Variants in PTN observed in about 807,000 individuals in gnomAD.
PTN encodes the protein heparin affin regulatory protein.
Under a neutral mutation model 24.1 loss-of-function variants are expected in PTN, and 18 were observed. That is an observed-to-expected ratio of 0.75 (90% CI 0.52 to 1.11). PTN has a LOEUF of 1.11. PTN is among the 50% of genes least tolerant of loss of function. The pLI is 0.00. For synonymous variants in PTN, 78 were observed against 68.6 expected (o/e 1.14, Z -0.67); for missense variants, 163 against 198.8 (o/e 0.82, Z 1.08).
Position 137,254,970 on chromosome 7 carries a change from G to A in PTN, c.4C>T (p.Gln2Ter). Residue 2 changes from glutamine to a stop codon, truncating the protein, a stop_gained, in exon 2 of 5, where the codon CAG becomes TAG. Coordinates refer to ENST00000348225, the MANE Select transcript of PTN (RefSeq NM_002825.7). LOFTEE classifies it high-confidence loss of function. M[Q>*]AQQYQQQRRK... ...CGCTGCTGCTGGTACTGTTGAGCCT[G>A]CATTCTAGGAATAAACAGAGAAAGA... 6.5e-7 allele frequency: 1 copy of A among 1,535,070 alleles called. No individual in the cohort carries two copies.
chr7:137,270,160 C>T (rs1809250915), intron 1 of PTN, among the ~76,000 whole-genome samples: 1 of 152,178 alleles, frequency 6.6e-6, no homozygotes, highest in Non-Finnish European at 1.5e-5. Flanking sequence ...AGATAAATAG[C>T]CAATTATAAT....
rs780004155 is a variant in PTN, at chr7:137,228,075, G to A, written c.452C>T (p.Ala151Val). 6 of 1,526,902 alleles carry A rather than the reference G, an allele frequency of 3.9e-6. No homozygotes were observed. The highest frequency in any genetic ancestry group is 5.4e-6 in the Non-Finnish European group (6 of 1,105,094). The allele number at this position is 1,526,902 out of a possible 1,614,324, so 94.6% of individuals were successfully genotyped here. The change falls in exon 5 of 5, where the codon GCA becomes GTA. Residue 151 changes from alanine to valine, a missense_variant and splice_region_variant. By Grantham distance (64) the Ala-to-Val change is moderately conservative. Coordinates refer to ENST00000348225, the MANE Select transcript of PTN (RefSeq NM_002825.7). ...CGKLTKPKPQAESKKKKKEGK... is the reference protein window; with the variant it reads ...CGKLTKPKPQVESKKKKKEGK... ...TTCCTTTTTCTTCTTCTTAGATTCT[G>A]CTGTGATTACAAAAAAGAGAGACAG...
At chr7:137,321,652 T>TTTC (rs1215147912) in intron 1 of PTN, among the ~76,000 whole-genome samples, 1 of 152,172 alleles carries the variant, frequency 6.6e-6, no homozygotes, top group East Asian at 1.9e-4. Flanking sequence ...CCAGAAATAA[T>TTTC]TTCTTCTTCT....
intron 1 of PTN, among the ~76,000 whole-genome samples, chr7:137,324,433 A>AAAAAAAAAAAAAAAAAATAT: frequency 3.4e-5 from 3 of 88,802 alleles, no homozygotes; most frequent in Admixed American, 3.0e-4. Context: ...AAAAAAAAAA[A>AAAAAAAAAAAAAAAAAATAT]ATATATATAT....
chr7:137,276,008 C>G (rs538236996), intron 1 of PTN, among the ~76,000 whole-genome samples: 7 of 152,274 alleles, frequency 4.6e-5, no homozygotes, highest in African/African-American at 1.4e-4. Flanking sequence ...CACTGCCATA[C>G]AACTAAGCAA....
chr7:137,320,984 T>G (rs6972748), intron 1 of PTN, among the ~76,000 whole-genome samples: 2,708 of 152,254 alleles, frequency 0.018, 79 homozygotes, highest in African/African-American at 0.061. Context: ...AGCTTTGAGG[T>G]CAACTGTGCT....
chr7:137,229,207 G>A (rs992414721), intron 4 of PTN, among the ~76,000 whole-genome samples: 3 of 151,778 alleles, frequency 2.0e-5, no homozygotes, highest in Non-Finnish European at 4.4e-5. Flanking sequence ...TATCATTAGG[G>A]TGATAATAGA....
chr7:137,282,118 T>G (rs988313796), intron 1 of PTN, among the ~76,000 whole-genome samples: 1 of 152,256 alleles, frequency 6.6e-6, no homozygotes, highest in Non-Finnish European at 1.5e-5. Flanking sequence ...TTAAATGTTC[T>G]AGAAGCTCAT....
intron 2 of PTN, among the ~76,000 whole-genome samples, chr7:137,254,557 G>A (rs992262069): frequency 1.5e-4 from 23 of 150,590 alleles, no homozygotes; most frequent in Middle Eastern, 3.4e-3. Context: ...TTTTTTTGAG[G>A]TAGAGAGGTA....
chr7:137,340,954 T>G (rs1810524308), intron 1 of PTN, among the ~76,000 whole-genome samples: 2 of 152,226 alleles, frequency 1.3e-5, no homozygotes, highest in South Asian at 4.1e-4. Context: ...TTTAGAGAAC[T>G]GGAATTTGTA....
At chr7:137,239,410 A>ATTTATTTAT (rs776227353) in intron 4 of PTN, among the ~76,000 whole-genome samples, 1 of 141,008 alleles carries the variant, frequency 7.1e-6, no homozygotes, top group Non-Finnish European at 1.6e-5. Flanking sequence ...TTATTTATTT[A>ATTTATTTAT]TTATTATACT....
chr7:137,234,848 C>G (rs576448940), intron 4 of PTN, among the ~76,000 whole-genome samples: 1 of 152,050 alleles, frequency 6.6e-6, no homozygotes, highest in East Asian at 1.9e-4. Flanking sequence ...TTGAGGGGAG[C>G]CCAGATTTTA....
At chr7:137,321,511 T>A (rs899472361) in intron 1 of PTN, among the ~76,000 whole-genome samples, 1 of 152,222 alleles carries the variant, frequency 6.6e-6, no homozygotes, top group Non-Finnish European at 1.5e-5. Flanking sequence ...TAATAGTGTT[T>A]ATCATTGATG....
chr7:137,266,344 T>C (rs1398436326), intron 1 of PTN, among the ~76,000 whole-genome samples: 1 of 152,218 alleles, frequency 6.6e-6, no homozygotes, highest in Non-Finnish European at 1.5e-5. Context: ...TGCCTCCTTA[T>C]AGTCCTTTTA....
Position 137,227,925 on chromosome 7 carries a change from T to A in PTN, c.*95A>T. On this transcript the variant is annotated 3_prime_UTR_variant, in exon 5 of 5. Transcript: ENST00000348225. Reference sequence around the variant, plus strand: ...TGCTTATTGTGTACTTAGCTATAGATAATTTTTGAATACAAAGCCTACGGT... The same window carrying A: ...TGCTTATTGTGTACTTAGCTATAGAAAATTTTTGAATACAAAGCCTACGGT... 6.7e-7 allele frequency: 1 copy of A among 1,501,092 alleles called. No homozygotes were observed. The highest frequency in any genetic ancestry group is 8.9e-7 in the Non-Finnish European group (1 of 1,126,138). The allele number at this position is 1,501,092 out of a possible 1,614,324, so 93.0% of individuals were successfully genotyped here. A position where few individuals can be genotyped will look rare whatever the true frequency, so the allele number is the denominator to read the frequency against.
At position 137,253,559 on chromosome 7, in the gene PTN, C is replaced by T; in HGVS notation, c.194G>A (p.Gly65Asp). ...TCCAGTCCGAGTGCCCTCCCGTGTG[C>T]CCAGCCCACAGTCTCCACTGGTGGG... The part of the protein sequence containing the change: ...CVPTSGDCGL[G>D]TREGTRTGAE... The change falls in exon 3 of 5, where the codon GGC (glycine) becomes GAC (aspartate). Residue 65 changes from glycine to aspartate, a missense_variant. Gly to Asp is a moderately conservative substitution (Grantham distance 94). Transcript: ENST00000348225. 2.5e-6 allele frequency: 4 copies of T among 1,612,196 alleles called. No individual in the cohort carries two copies. The highest frequency in any genetic ancestry group is 3.4e-6 in the Non-Finnish European group (4 of 1,179,120).
chr7:137,272,730 C>T (rs971164222), intron 1 of PTN, among the ~76,000 whole-genome samples: 1 of 152,070 alleles, frequency 6.6e-6, no homozygotes, highest in African/African-American at 2.4e-5. Flanking sequence ...AAAAACGAAA[C>T]TAGAAATAAA....
At chr7:137,278,066 G>T (rs1273794227) in intron 1 of PTN, among the ~76,000 whole-genome samples, 1 of 151,846 alleles carries the variant, frequency 6.6e-6, no homozygotes, top group Non-Finnish European at 1.5e-5. Context: ...CCAGCACTTT[G>T]GGAGGCCGAG....
At chr7:137,308,980 A>T (rs184535909) in intron 1 of PTN, among the ~76,000 whole-genome samples, 16 of 152,306 alleles carry the variant, frequency 1.1e-4, no homozygotes, top group African/African-American at 2.9e-4. Flanking sequence ...AAGAAAAAAT[A>T]AGAAAGACAG....
Sources: allele counts gnomAD v4.1 joint callset (sites outside exome capture counted in the v4.1 genomes callset), GRCh38; gene constraint gnomAD v4.1.1; transcripts MANE v1.5; gene names NCBI Gene and HGNC (gene_info 2026-07-23, HGNC 2026-07-21).